Variants in ADGRB3 observed in about 807,000 individuals in gnomAD.
The protein encoded by ADGRB3 is brain-specific angiogenesis inhibitor 3.
In ADGRB3, 37 loss-of-function variants were observed where a neutral mutation model predicts 193.4. The observed-to-expected ratio is 0.19, with a 90% confidence interval of 0.15 to 0.25. The LOEUF (loss-of-function observed/expected upper bound fraction) is 0.25. ADGRB3 is among the 10% of genes least tolerant of loss of function. The pLI is 1.00. For missense variants in ADGRB3, 1,637 were observed against 1,852.9 expected (o/e 0.88, Z 2.14); for synonymous variants, 690 against 644.2 (o/e 1.07, Z -1.08).
chr6:69,158,482 A>G (rs1483270460), intron 17 of ADGRB3, among the ~76,000 whole-genome samples: 1 of 152,060 alleles, frequency 6.6e-6, no homozygotes, highest in African/African-American at 2.4e-5. Context: ...CAGTCTCAGA[A>G]TCAATGTAAA....
chr6:69,297,368 T>TCTTTC (rs1767846054), intron 20 of ADGRB3, among the ~76,000 whole-genome samples: 3,793 of 97,294 alleles, frequency 0.039, 161 homozygotes, highest in African/African-American at 0.13. Context: ...CTCTCTCTCT[T>TCTTTC]TCTCTCTCTC....
rs192557339 is a variant in ADGRB3 at position 68,968,489 on chromosome 6, A to G, written c.1526-6274A>G. 1.9e-3 allele frequency among the ~76,000 whole-genome samples: 296 copies of G among 152,340 alleles called. 1 individual carries two copies. Among genetic ancestry groups the G allele is most frequent in the African/African-American group, 6.9e-3 (285 of 41,572 alleles). ...AACAGGTTTTATTAAATGTGTTTCA[A>G]AGTTCACCAATGGAACTAAAGGAAA... On this transcript the variant is annotated intron_variant, in intron 8 of 31. Coordinates refer to ENST00000370598, the MANE Select transcript of ADGRB3 (RefSeq NM_001704.3).
intron 24 of ADGRB3, among the ~76,000 whole-genome samples, chr6:69,334,106 T>G (rs963699332): frequency 2.6e-5 from 4 of 151,984 alleles, no homozygotes; most frequent in Non-Finnish European, 5.9e-5. Context: ...CATATAAATT[T>G]GTTGACACTT....
At chr6:68,917,011 C>G (rs74727780) in intron 3 of ADGRB3, among the ~76,000 whole-genome samples, 3,645 of 152,170 alleles carry the variant, frequency 0.024, 137 homozygotes, top group African/African-American at 0.082. Context: ...GGGGGTTGGG[C>G]GGTGGTATGA....
At chr6:68,898,971 A>G (rs961892998) in intron 3 of ADGRB3, among the ~76,000 whole-genome samples, 1 of 152,186 alleles carries the variant, frequency 6.6e-6, no homozygotes, top group African/African-American at 2.4e-5. Flanking sequence ...CTTTATTGAG[A>G]TATTAGAACA....
intron 3 of ADGRB3, among the ~76,000 whole-genome samples, chr6:68,827,391 A>G (rs1413366160): frequency 1.3e-5 from 2 of 152,124 alleles, no homozygotes; most frequent in East Asian, 3.9e-4. Flanking sequence ...AATAATAATA[A>G]TAAATGAGCA....
chr6:68,708,034 A>C (rs1765353384), intron 3 of ADGRB3, among the ~76,000 whole-genome samples: 1 of 152,280 alleles, frequency 6.6e-6, no homozygotes, highest in East Asian at 1.9e-4. Flanking sequence ...AGAGCAAAAA[A>C]GACAAAGACT....
chr6:68,670,934 TTCA>T (rs930683985), intron 3 of ADGRB3, among the ~76,000 whole-genome samples: 2 of 152,056 alleles, frequency 1.3e-5, no homozygotes, highest in Admixed American at 1.3e-4. Flanking sequence ...TTTAATTTCT[TTCA>T]TCAATATTTT....
At chr6:69,014,184 T>A in intron 12 of ADGRB3, 78 bp downstream of exon 12, 1 of 1,015,810 alleles carries the variant, frequency 9.8e-7, no homozygotes, top group Non-Finnish European at 1.5e-6. Flanking sequence ...AATGGCTTGC[T>A]ATTTCAGGAA....
intron 3 of ADGRB3, among the ~76,000 whole-genome samples, chr6:68,840,423 C>T (rs148721485): frequency 0.079 from 6,980 of 88,180 alleles, 502 homozygotes; most frequent in Non-Finnish European, 0.1. Context: ...CAAGGTCTTT[C>T]TCTGTCACCT....
chr6:69,317,900 G>T (rs1768352942), intron 20 of ADGRB3, among the ~76,000 whole-genome samples: 2 of 151,380 alleles, frequency 1.3e-5, no homozygotes, highest in African/African-American at 4.8e-5. Flanking sequence ...AGAAAACTTA[G>T]ATTAGTTTAT....
At chr6:68,998,741 C>A (rs1769468473) in intron 11 of ADGRB3, among the ~76,000 whole-genome samples, 1 of 152,164 alleles carries the variant, frequency 6.6e-6, no homozygotes, top group African/African-American at 2.4e-5. Context: ...ATGACATTAT[C>A]ACCATTTTCA....
At chr6:69,069,372 G>C (rs572902703) in intron 16 of ADGRB3, among the ~76,000 whole-genome samples, 25 of 151,510 alleles carry the variant, frequency 1.7e-4, no homozygotes, top group Non-Finnish European at 3.5e-4. Flanking sequence ...TGATGGATTT[G>C]ACTGTGGAAA....
chr6:69,308,900 A>AT (rs1395635843), intron 20 of ADGRB3, among the ~76,000 whole-genome samples: 2 of 151,692 alleles, frequency 1.3e-5, no homozygotes, highest in African/African-American at 2.4e-5. Context: ...CTTACCTTTC[A>AT]TTGGCAGGAA....
At chr6:69,226,964 C>T (rs1766030965) in intron 17 of ADGRB3, among the ~76,000 whole-genome samples, 1 of 152,222 alleles carries the variant, frequency 6.6e-6, no homozygotes, top group Non-Finnish European at 1.5e-5. Flanking sequence ...CAATTCAAGT[C>T]ACCATACATA....
chr6:69,125,553 G>C (rs995563669), intron 17 of ADGRB3, among the ~76,000 whole-genome samples: 1 of 152,044 alleles, frequency 6.6e-6, no homozygotes, highest in African/African-American at 2.4e-5. Flanking sequence ...GCCCTTCCAC[G>C]TGGAAGCAGG....
intron 8 of ADGRB3, among the ~76,000 whole-genome samples, chr6:68,961,529 G>A (rs1398273361): frequency 6.6e-6 from 1 of 152,124 alleles, no homozygotes. Context: ...TTCTCCTCAG[G>A]TTCCAGTTAG....
At chr6:69,132,559 C>T (rs952929268) in intron 17 of ADGRB3, among the ~76,000 whole-genome samples, 3 of 152,228 alleles carry the variant, frequency 2.0e-5, no homozygotes, top group Middle Eastern at 3.4e-3. Context: ...CAAAAATTTT[C>T]TCCCATTCTG....
chr6:68,674,201 T>C (rs1769029720), intron 3 of ADGRB3, among the ~76,000 whole-genome samples: 1 of 152,158 alleles, frequency 6.6e-6, no homozygotes. Context: ...AAGGATTTTC[T>C]GATGTTAATA....
Sources: gnomAD v4.1 joint callset for allele counts (sites outside exome capture counted in the v4.1 genomes callset) on GRCh38, gnomAD v4.1.1 for gene constraint, MANE v1.5 for transcripts, NCBI Gene and HGNC (gene_info 2026-07-23, HGNC 2026-07-21) for gene names.